Variants in GFRA3 observed in about 807,000 individuals in gnomAD.
GFRA3 encodes the protein GDNF family receptor alpha-3.
In GFRA3, 24 loss-of-function variants were observed where a neutral mutation model predicts 40.0. The observed-to-expected ratio is 0.60, with a 90% CI of 0.43 to 0.84. The LOEUF is 0.84. GFRA3 is among the 40% of genes least tolerant of loss of function. GFRA3 has a pLI of 0.00. For missense variants in GFRA3, 405 were observed against 530.6 expected, an observed-to-expected ratio of 0.76 and a Z score of 2.33; for synonymous variants, 203 against 213.5, an observed-to-expected ratio of 0.95 and a Z score of 0.43.
intron 2 of GFRA3, among the ~76,000 whole-genome samples, chr5:138,259,943 C>T (rs932116581): frequency 9.2e-5 from 14 of 152,022 alleles, no homozygotes; most frequent in Admixed American, 2.6e-4. Flanking sequence ...ATCGCACTTA[C>T]GCGATGGTGC....
At chr5:138,262,784 T>C (rs1208584085) in intron 2 of GFRA3, among the ~76,000 whole-genome samples, 3 of 151,762 alleles carry the variant, frequency 2.0e-5, no homozygotes, top group Admixed American at 6.6e-5. Flanking sequence ...AGAATGTTTG[T>C]TGTGGTTATC....
At chr5:138,267,188 C>CTTTTTTTTTTTTTTT (rs56245236) in intron 1 of GFRA3, 6 of 101,340 alleles carry the variant, frequency 5.9e-5, no homozygotes, top group African/African-American at 1.2e-4. Context: ...TTCTTTTATG[C>CTTTTTTTTTTTTTTT]TTTTTTTTTT....
chr5:138,269,069 C>A (rs1438297231), intron 1 of GFRA3, among the ~76,000 whole-genome samples: 1 of 152,036 alleles, frequency 6.6e-6, no homozygotes, highest in Non-Finnish European at 1.5e-5. Flanking sequence ...CAGTAAAATG[C>A]AAATCAAAAC....
chr5:138,254,029 G>C, intron 5 of GFRA3, 28 bp downstream of exon 5: 1 of 1,565,036 alleles, frequency 6.4e-7, no homozygotes, highest in Non-Finnish European at 8.8e-7. Flanking sequence ...GCCAACATAG[G>C]GTTCCCTACA....
intron 3 of GFRA3, among the ~76,000 whole-genome samples, chr5:138,258,583 T>C (rs1755669058): frequency 6.6e-6 from 1 of 152,176 alleles, no homozygotes. Flanking sequence ...CCAGAAAGCT[T>C]AAATAACCAT....
chr5:138,266,664 T>TTTTC lies in GFRA3; in HGVS notation c.92-2120_92-2117dup, dbSNP rs534525247. On this transcript the variant is annotated intron_variant, in intron 1 of 7. Coordinates refer to ENST00000274721, the MANE Select transcript of GFRA3 (RefSeq NM_001496.4). The stretch of plus-strand genomic sequence containing the variant: ...CAAGTAAACCAGTATCTTCATTTCT[T>TTTTC]TTTCTTTCTTTCTTTTCTTTTCTTT... Among the ~76,000 whole-genome samples, 559 of 149,196 alleles carry TTTTC rather than the reference T, an allele frequency of 3.7e-3. 1 individual carries two copies. Among genetic ancestry groups the TTTTC allele is most frequent in the African/African-American group, 0.013 (524 of 41,264 alleles).
At chr5:138,271,914 T>TC (rs1755879542) in intron 1 of GFRA3, among the ~76,000 whole-genome samples, 2 of 58,166 alleles carry the variant, frequency 3.4e-5, no homozygotes, top group Non-Finnish European at 7.1e-5. Context: ...TTTTTTTTTT[T>TC]GTGTGTGTGT....
intron 4 of GFRA3, among the ~76,000 whole-genome samples, chr5:138,257,365 C>T (rs73261951): frequency 6.6e-6 from 1 of 152,146 alleles, no homozygotes; most frequent in Non-Finnish European, 1.5e-5. Context: ...AAATGCTTCC[C>T]AAAGTATGAT....
Position 138,262,211 on chromosome 5 carries a change from T to C in GFRA3, c.379+2050A>G, listed in dbSNP as rs114416826. Among the ~76,000 whole-genome samples the C allele has an allele frequency of 1.8e-3, 268 of 152,238 alleles. 2 individuals carry two copies. The highest frequency in any genetic ancestry group is 6.1e-3 in the African/African-American group (254 of 41,552). Reference sequence around the variant, plus strand: ...AATGCGGCTCAGTCCTCAGGGAGAATGTAGTCCCTAATACCCTTTTCAAAT... The same window carrying C: ...AATGCGGCTCAGTCCTCAGGGAGAACGTAGTCCCTAATACCCTTTTCAAAT... On this transcript the variant is annotated intron_variant, in intron 2 of 7. Transcript: ENST00000274721.
At chr5:138,259,720 T>C (rs1755684345) in intron 2 of GFRA3, 71 bp from the exon 3 acceptor site, 1 of 786,448 alleles carries the variant, frequency 1.3e-6, no homozygotes, top group South Asian at 1.3e-5. Flanking sequence ...CTGAAGCTGC[T>C]GGCTCAGACC....
chr5:138,252,977 G>T lies in GFRA3; in HGVS notation c.1194C>A (p.Ser398Arg). Reference sequence around the variant, plus strand: ...CCCTGGGGAAGTCCAGCTACCATAGGCTCAGGAGCAGAATCAAGGGAAGCG... The same window carrying T: ...CCCTGGGGAAGTCCAGCTACCATAGTCTCAGGAGCAGAATCAAGGGAAGCG... The part of the protein sequence containing the change: ...SCTLPLILLL[S>R]LW The change falls in exon 8 of 8, where the codon AGC becomes AGA. Residue 398 changes from serine to arginine, a missense_variant. Physicochemically the swap from Ser to Arg is moderately radical, Grantham distance 110. Coordinates refer to ENST00000274721, the MANE Select transcript of GFRA3 (RefSeq NM_001496.4). The T allele has an allele frequency of 6.3e-7, 1 of 1,593,108 alleles. No homozygotes were observed. The highest frequency in any genetic ancestry group is 8.6e-7 in the Non-Finnish European group (1 of 1,161,350).
Position 138,257,919 on chromosome 5 carries a change from A to G in GFRA3, c.505T>C (p.Cys169Arg), listed in dbSNP as rs999145587. 3.1e-6 allele frequency: 5 copies of G among 1,613,982 alleles called. No homozygotes were observed. In the African/African-American group the frequency reaches 5.3e-5, roughly 17 times the overall value. The part of the protein sequence containing the change: ...SDLCLKFAML[C>R]TLNDKCDRLR... ...CGGTCACACTTGTCATTGAGAGTAC[A>G]CAGCATGGCAAACTTGAGGCAGAGG... The change falls in exon 4 of 8, where the codon TGT (cysteine) becomes CGT (arginine). Residue 169 changes from cysteine (C) to arginine (R), a missense_variant. Transcript: ENST00000274721.
At chr5:138,254,217 ACT>A in intron 4 of GFRA3, 57 bp from the exon 5 acceptor site, 1 of 961,194 alleles carries the variant, frequency 1.0e-6, no homozygotes, top group Non-Finnish European at 1.6e-6. Context: ...ATGATGTCTC[ACT>A]CTCTCTTGCC....
At chr5:138,256,103 C>T (rs575959077) in intron 4 of GFRA3, among the ~76,000 whole-genome samples, 66 of 150,368 alleles carry the variant, frequency 4.4e-4, no homozygotes, top group African/African-American at 1.5e-3. Context: ...TGGTGGCAGG[C>T]GCCTGTAATC....
intron 3 of GFRA3, among the ~76,000 whole-genome samples, chr5:138,259,256 T>G (rs771288811): frequency 1.8e-4 from 28 of 152,200 alleles, no homozygotes; most frequent in Non-Finnish European, 3.5e-4. Context: ...TTCAGCACAA[T>G]TTTTCCTGGG....
chr5:138,259,030 T>C (rs1755675476), intron 3 of GFRA3, among the ~76,000 whole-genome samples: 1 of 152,182 alleles, frequency 6.6e-6, no homozygotes, highest in Admixed American at 6.5e-5. Flanking sequence ...TTTTCCTCAA[T>C]TAACTCATAG....
intron 3 of GFRA3, among the ~76,000 whole-genome samples, chr5:138,258,559 T>C (rs1755668809): frequency 6.6e-6 from 1 of 152,180 alleles, no homozygotes; most frequent in Non-Finnish European, 1.5e-5. Flanking sequence ...CCCATTTATC[T>C]AGAATTCAAG....
At chr5:138,259,438 C>T in intron 3 of GFRA3, 119 bp downstream of exon 3, 1 of 690,648 alleles carries the variant, frequency 1.4e-6, no homozygotes, top group South Asian at 1.6e-5. Context: ...CTTCCTTAGT[C>T]ACCTGGTAGG....
chr5:138,256,345 G>A (rs1330386727), intron 4 of GFRA3, among the ~76,000 whole-genome samples: 5 of 151,004 alleles, frequency 3.3e-5, no homozygotes, highest in Middle Eastern at 3.4e-3. Context: ...TGGCTAACAC[G>A]GTGAAACCCC....
Sources: allele counts gnomAD v4.1 joint callset (sites outside exome capture counted in the v4.1 genomes callset), GRCh38; gene constraint gnomAD v4.1.1; transcripts MANE v1.5; gene names NCBI Gene and HGNC (gene_info 2026-07-23, HGNC 2026-07-21).